The following ATRNL1 variants were observed in gnomAD, a reference collection of about 807,000 sequenced individuals.
ATRNL1 encodes the protein attractin like 1.
Under a neutral mutation model 182.7 loss-of-function variants are expected in ATRNL1, and 95 were observed. The observed-to-expected ratio is 0.52, with a 90% CI of 0.44 to 0.62. The LOEUF (loss-of-function observed/expected upper bound fraction) is 0.62, where lower values mean the gene tolerates loss of function less well. Ranked by LOEUF, ATRNL1 falls within the 20% of genes least tolerant of loss-of-function variation. The pLI is 0.00. For missense variants in ATRNL1, 1,471 were observed against 1,679.5 expected, an observed-to-expected ratio of 0.88 and a Z score of 2.17; for synonymous variants, 576 against 568.3, an observed-to-expected ratio of 1.01 and a Z score of -0.19.
chr10:115,281,766 G>T lies in ATRNL1; in HGVS notation c.2233+279G>T, dbSNP rs532751970. Among the ~76,000 whole-genome samples the T allele has an allele frequency of 4.0e-5, 6 of 151,458 alleles. No homozygotes were observed. In the South Asian group the frequency reaches 1.0e-3, roughly 26 times the overall value. On this transcript the variant is annotated intron_variant, in intron 14 of 28. Transcript: ENST00000355044. The stretch of plus-strand genomic sequence containing the variant: ...ATCTTAAAAATGTAGAAAATAATAA[G>T]CACTCAGACTTAATATTCAGATTTA...
At chr10:115,536,754 G>C (rs1208462168) in intron 25 of ATRNL1, among the ~76,000 whole-genome samples, 1 of 152,094 alleles carries the variant, frequency 6.6e-6, no homozygotes, top group Non-Finnish European at 1.5e-5. Flanking sequence ...AGCCATCTTG[G>C]CTCCTCCCAA....
At position 115,330,151 on chromosome 10, in the gene ATRNL1, C is replaced by A. The variant is rs373450079; in HGVS notation, c.3038-4131C>A. On this transcript the variant is annotated intron_variant, in intron 18 of 28. Transcript: ENST00000355044. ...TTTTGGTCGGAAGAAAAGGAAAAAC[C>A]CACTCTATTCTTTAACTTCATTACT... Among the ~76,000 whole-genome samples, 60 of 151,990 alleles carry A rather than the reference C, an allele frequency of 3.9e-4. No individual in the cohort carries two copies. In the South Asian group the frequency reaches 0.012, roughly 31 times the overall value.
chr10:115,132,136 T>C (rs941591262), intron 5 of ATRNL1, among the ~76,000 whole-genome samples: 1 of 148,868 alleles, frequency 6.7e-6, no homozygotes, highest in Admixed American at 6.7e-5. Flanking sequence ...TGTGTCCAAG[T>C]GTTCTCATTG....
At chr10:115,693,188 T>A (rs1416082151) in intron 26 of ATRNL1, among the ~76,000 whole-genome samples, 2 of 152,174 alleles carry the variant, frequency 1.3e-5, no homozygotes, top group East Asian at 1.9e-4. Flanking sequence ...AGTTTTTTAC[T>A]ATTTAAATGG....
intron 15 of ATRNL1, among the ~76,000 whole-genome samples, chr10:115,293,494 C>T (rs1853022939): frequency 6.6e-6 from 1 of 151,936 alleles, no homozygotes; most frequent in Non-Finnish European, 1.5e-5. Flanking sequence ...AGTTACATGG[C>T]TTTTTGTAGT....
chr10:115,655,043 G>A (rs1347933647), intron 26 of ATRNL1, among the ~76,000 whole-genome samples: 1 of 152,166 alleles, frequency 6.6e-6, no homozygotes, highest in Non-Finnish European at 1.5e-5. Context: ...GAGGGAGAGA[G>A]AAAGATGGAG....
chr10:115,603,631 AT>A (rs1856727232), intron 26 of ATRNL1, among the ~76,000 whole-genome samples: 1 of 152,202 alleles, frequency 6.6e-6, no homozygotes, highest in African/African-American at 2.4e-5. Flanking sequence ...TGTGTCATAC[AT>A]TTAACTTATA....
chr10:115,258,191 C>T (rs1204448525), intron 10 of ATRNL1, among the ~76,000 whole-genome samples: 1 of 152,136 alleles, frequency 6.6e-6, no homozygotes, highest in Non-Finnish European at 1.5e-5. Flanking sequence ...TGGATAATAT[C>T]CTGCAGAGTG....
At chr10:115,398,116 C>T (rs1554956072) in intron 20 of ATRNL1, among the ~76,000 whole-genome samples, 2 of 151,918 alleles carry the variant, frequency 1.3e-5, no homozygotes, top group African/African-American at 4.8e-5. Flanking sequence ...TTTCAAGCCA[C>T]CTACTGTGGC....
intron 28 of ATRNL1, among the ~76,000 whole-genome samples, chr10:115,876,285 C>CAT (rs1345953506): frequency 2.6e-5 from 4 of 152,186 alleles, no homozygotes; most frequent in Non-Finnish European, 5.9e-5. Flanking sequence ...GGGGCTAATA[C>CAT]TACTTATCTC....
At chr10:115,471,636 G>C (rs1848318303) in intron 24 of ATRNL1, among the ~76,000 whole-genome samples, 1 of 150,938 alleles carries the variant, frequency 6.6e-6, no homozygotes, top group South Asian at 2.1e-4. Context: ...GGTCATTTGT[G>C]TGTCTTCTGT....
chr10:115,689,972 A>G (rs1183591668), intron 26 of ATRNL1, among the ~76,000 whole-genome samples: 1 of 152,110 alleles, frequency 6.6e-6, no homozygotes, highest in African/African-American at 2.4e-5. Flanking sequence ...GACGGAAAGA[A>G]GGCATCCTAC....
intron 10 of ATRNL1, among the ~76,000 whole-genome samples, chr10:115,243,423 T>A (rs1850504401): frequency 6.6e-6 from 1 of 152,106 alleles, no homozygotes; most frequent in African/African-American, 2.4e-5. Flanking sequence ...TGCTAGGTAC[T>A]ATGTTAAGTA....
chr10:115,390,593 G>C (rs538801228), intron 19 of ATRNL1, among the ~76,000 whole-genome samples: 2 of 152,170 alleles, frequency 1.3e-5, no homozygotes, highest in African/African-American at 4.8e-5. Flanking sequence ...TAGGTTTGTA[G>C]TATATTTTGA....
intron 27 of ATRNL1, among the ~76,000 whole-genome samples, chr10:115,814,318 C>G (rs1476947174): frequency 6.6e-6 from 1 of 151,502 alleles, no homozygotes; most frequent in African/African-American, 2.4e-5. Flanking sequence ...AGTTACTTGC[C>G]CCACAAAATA....
chr10:115,104,403 C>A (rs1202816065), intron 1 of ATRNL1, among the ~76,000 whole-genome samples: 2 of 151,896 alleles, frequency 1.3e-5, no homozygotes, highest in African/African-American at 4.8e-5. Flanking sequence ...GATTTTTTTT[C>A]TTACAGCATT....
At chr10:115,630,845 C>CACACACAG (rs1555026115) in intron 26 of ATRNL1, among the ~76,000 whole-genome samples, 50 of 140,396 alleles carry the variant, frequency 3.6e-4, no homozygotes, top group African/African-American at 1.4e-3. Flanking sequence ...CACACACACA[C>CACACACAG]ACACACACAC....
At chr10:115,920,687 C>T (rs1953025057) in intron 28 of ATRNL1, among the ~76,000 whole-genome samples, 1 of 152,166 alleles carries the variant, frequency 6.6e-6, no homozygotes, top group Admixed American at 6.5e-5. Context: ...TAACCAAAAT[C>T]TGGATTCATT....
chr10:115,855,219 A>T (rs1951152113), intron 28 of ATRNL1, among the ~76,000 whole-genome samples: 1 of 152,168 alleles, frequency 6.6e-6, no homozygotes. Context: ...TATTTTTCTT[A>T]TGATTCTCTG....
Sources: allele counts gnomAD v4.1 joint callset (sites outside exome capture counted in the v4.1 genomes callset), GRCh38; gene constraint gnomAD v4.1.1; transcripts MANE v1.5; gene names NCBI Gene and HGNC (gene_info 2026-07-23, HGNC 2026-07-21).